The following FNTA variants were observed in gnomAD, a reference collection of about 807,000 sequenced individuals.
FNTA encodes protein farnesyltransferase/geranylgeranyltransferase type-1 subunit alpha.
Under a neutral mutation model 55.2 loss-of-function variants are expected in FNTA, and 27 were observed. The ratio of observed to expected loss-of-function variants is 0.49; its 90% CI spans 0.36 to 0.67. The LOEUF (loss-of-function observed/expected upper bound fraction) is 0.67, where lower values mean the gene tolerates loss of function less well. Ranked by LOEUF, FNTA falls within the 30% of genes least tolerant of loss-of-function variation. The pLI is 0.00. For synonymous variants in FNTA, 176 were observed against 170.7 expected, an observed-to-expected ratio of 1.03 and a Z score of -0.24; for missense variants, 422 against 464.7, an observed-to-expected ratio of 0.91 and a Z score of 0.85.
chr8:43,062,385 G>A (rs541325680), intron 2 of FNTA, among the ~76,000 whole-genome samples: 2 of 151,990 alleles, frequency 1.3e-5, no homozygotes, highest in South Asian at 2.1e-4. Flanking sequence ...AGGTTCAAGC[G>A]ATTCTCGTGC....
rs1811096106 is a variant in FNTA at position 43,084,887 on chromosome 8, C to G, written c.1017+6C>G. The G allele has an allele frequency of 6.2e-7, 1 of 1,612,634 alleles. No individual in the cohort carries two copies. Among genetic ancestry groups the G allele is most frequent in the African/African-American group, 1.3e-5 (1 of 74,836 alleles). On this transcript the variant is annotated splice_donor_region_variant and intron_variant, in intron 8 of 8. Coordinates refer to ENST00000302279, the MANE Select transcript of FNTA (RefSeq NM_002027.3). Reference sequence around the variant, plus strand: ...TTCTTAATAAAGCATTAGAGGTAAGCTGGTGGGGCTCAGTGCTGTCATTTT... The same window carrying G: ...TTCTTAATAAAGCATTAGAGGTAAGGTGGTGGGGCTCAGTGCTGTCATTTT...
Position 43,069,667 on chromosome 8 carries a change from T to C in FNTA, c.506+8T>C, listed in dbSNP as rs750430244. The C allele has an allele frequency of 2.5e-6, 4 of 1,576,602 alleles. No homozygotes were observed. The South Asian group carries it at 3.3e-5, about 13-fold the overall frequency. On this transcript the variant is annotated splice_region_variant and intron_variant, in intron 4 of 8. Transcript: ENST00000302279. The stretch of plus-strand genomic sequence containing the variant: ...CAAAAACTATCAAGTTTGGTAAGTT[T>C]GGAGTCTAGCTGTGTCTCCCAGGCT...
At chr8:43,075,836 A>G (rs1270805445) in intron 5 of FNTA, among the ~76,000 whole-genome samples, 1 of 150,740 alleles carries the variant, frequency 6.6e-6, no homozygotes, top group Non-Finnish European at 1.5e-5. Context: ...ATAGAAATTT[A>G]TATCTTTGTC....
intron 3 of FNTA, among the ~76,000 whole-genome samples, chr8:43,066,240 G>GT (rs762415587): frequency 4.1e-4 from 60 of 146,490 alleles, no homozygotes; most frequent in Admixed American, 2.2e-3. Context: ...TGGGGGAGCT[G>GT]TTTTTTTGTT....
At position 43,085,684 on chromosome 8, in the gene FNTA, TC is replaced by T. The variant is rs1418186712; in HGVS notation, c.*404del. 1 of 188,912 alleles carries T rather than the reference TC, an allele frequency of 5.3e-6. No homozygotes were observed. The highest frequency in any genetic ancestry group is 1.1e-5 in the Non-Finnish European group (1 of 93,308). 11.7% of individuals were successfully genotyped at this position (188,912 alleles called of 1,614,324 possible). A position where few individuals can be genotyped will look rare whatever the true frequency, so the allele number is the denominator to read the frequency against. On this transcript the variant is annotated 3_prime_UTR_variant, in exon 9 of 9. Coordinates refer to ENST00000302279, the MANE Select transcript of FNTA (RefSeq NM_002027.3). ...TTCAGTAAGCAGGGAATACAGTCGT[TC>T]CATCAGAGCTGGTCTGCACACTCAC...
At chr8:43,059,053 T>G in intron 1 of FNTA, 39 bp from the exon 2 acceptor site, 1 of 1,472,758 alleles carries the variant, frequency 6.8e-7, no homozygotes, top group Non-Finnish European at 9.5e-7. Context: ...TTCTTCTGTA[T>G]TTGAATGTAA....
At chr8:43,072,370 T>C (rs1810812564) in intron 5 of FNTA, 63 bp downstream of exon 5, 37 of 1,265,314 alleles carry the variant, frequency 2.9e-5, no homozygotes, top group Non-Finnish European at 3.8e-5. Context: ...ATAAAATTAC[T>C]CTTAAAGTCT....
chr8:43,083,542 A>C (rs1811065278), intron 7 of FNTA, among the ~76,000 whole-genome samples: 1 of 152,244 alleles, frequency 6.6e-6, no homozygotes, highest in East Asian at 1.9e-4. Context: ...GCCAGTGGGC[A>C]GCCAACCTTT....
Position 43,072,216 on chromosome 8 carries a change from A to G in FNTA, c.542A>G (p.Asp181Gly), listed in dbSNP as rs1420509309. The change falls in exon 5 of 9, where the codon GAT (aspartate) becomes GGT (glycine). Residue 181 changes from aspartate (D) to glycine (G), a missense_variant. Physicochemically the swap from Asp to Gly is moderately conservative, Grantham distance 94. Around this residue, in one of 2 missense-constraint regions of FNTA, gnomAD observed 262 missense variants for 343.1 expected, o/e 0.76. Coordinates refer to ENST00000302279, the MANE Select transcript of FNTA (RefSeq NM_002027.3). ...HRRVLVEWLR[D>G]PSQELEFIAD... ...CGAGTATTAGTGGAATGGCTAAGAGATCCATCTCAGGAGCTTGAATTTATT... is the reference window on the plus strand; with the variant it reads ...CGAGTATTAGTGGAATGGCTAAGAGGTCCATCTCAGGAGCTTGAATTTATT... 2 of 1,582,562 alleles carry G rather than the reference A, an allele frequency of 1.3e-6. No homozygotes were observed. Among genetic ancestry groups the G allele is most frequent in the African/African-American group, 1.4e-5 (1 of 73,450 alleles).
At chr8:43,065,641 G>T (rs1486646604) in intron 3 of FNTA, among the ~76,000 whole-genome samples, 3 of 151,296 alleles carry the variant, frequency 2.0e-5, no homozygotes, top group African/African-American at 7.4e-5. Flanking sequence ...CAGATGCTCT[G>T]CTATATGTGA....
In FNTA at chr8:43,056,405, C is replaced by G. The variant is rs775531295; in HGVS notation, c.59C>G (p.Ala20Gly). 5.3e-6 allele frequency: 8 copies of G among 1,514,714 alleles called. No homozygotes were observed. In the South Asian group the frequency reaches 8.7e-5, roughly 16 times the overall value. 93.8% of individuals were successfully genotyped at this position (1,514,714 alleles called of 1,614,324 possible). Residue 20 changes from alanine (A) to glycine (G), a missense_variant, in exon 1 of 9, where the codon GCG (alanine) becomes GGG (glycine). Coordinates refer to ENST00000302279, the MANE Select transcript of FNTA (RefSeq NM_002027.3). ...AAQGGEPGQPAQPPPQPHPPP... is the reference protein window; with the variant it reads ...AAQGGEPGQPGQPPPQPHPPP... ...CAAGGGGGCGAGCCCGGGCAGCCGGCGCAACCCCCGCCCCAGCCGCACCCA... is the reference window on the plus strand; with the variant it reads ...CAAGGGGGCGAGCCCGGGCAGCCGGGGCAACCCCCGCCCCAGCCGCACCCA...
chr8:43,063,087 CT>C (rs35545408), intron 2 of FNTA, among the ~76,000 whole-genome samples: 7,072 of 134,538 alleles, frequency 0.053, 281 homozygotes, highest in African/African-American at 0.12. Context: ...CTGGCAGTTC[CT>C]TTTTTTTTTT....
In FNTA at chr8:43,056,336, A is replaced by T. The variant is rs1586650239; in HGVS notation, c.-11A>T. 3 of 1,408,388 alleles carry T rather than the reference A, an allele frequency of 2.1e-6. No individual in the cohort carries two copies. Among genetic ancestry groups the T allele is most frequent in the African/African-American group, 3.0e-5 (2 of 66,378 alleles). The allele number at this position is 1,408,388 out of a possible 1,614,324, so 87.2% of individuals were successfully genotyped here. On this transcript the variant is annotated 5_prime_UTR_variant, in exon 1 of 9. Transcript: ENST00000302279. ...GCCTCCGCCACCACCTCAGCTGCGG[A>T]CCGAGGCGAGATGGCGGCCACCGAG...
intron 7 of FNTA, among the ~76,000 whole-genome samples, chr8:43,084,194 T>C (rs1252302776): frequency 2.0e-5 from 3 of 152,060 alleles, no homozygotes; most frequent in African/African-American, 7.2e-5. Context: ...TTAAAAACTT[T>C]TTCTACTTAG....
At chr8:43,058,885 GTTAT>G (rs1810471105) in intron 1 of FNTA, 9 of 405,630 alleles carry the variant, frequency 2.2e-5, no homozygotes, top group South Asian at 1.7e-4. Flanking sequence ...GCATCTGAGG[GTTAT>G]TTGTTTTAAT....
intron 3 of FNTA, among the ~76,000 whole-genome samples, chr8:43,066,710 C>T (rs1418179469): frequency 3.3e-5 from 5 of 151,568 alleles, no homozygotes; most frequent in Admixed American, 6.6e-5. Context: ...TCTCTTTATG[C>T]GTATAAGAGA....
chr8:43,080,292 A>G (rs762586776), intron 6 of FNTA: 1 of 152,360 alleles, frequency 6.6e-6, no homozygotes, highest in Middle Eastern at 3.4e-3. Context: ...TGCCACAGCC[A>G]TCTCATCCTT....
rs778938720 is a variant in FNTA at position 43,083,130 on chromosome 8, A to T, written c.795A>T (p.Glu265Asp). The T allele has an allele frequency of 1.3e-6, 2 of 1,578,702 alleles. No individual in the cohort carries two copies. Among genetic ancestry groups the T allele is most frequent in the South Asian group, 2.3e-5 (2 of 86,988 alleles). Reference sequence around the variant, plus strand: ...ATTTTTCTTGCAGATACACTCTGGAAATGATTAAACTAGTACCACATAATG... The same window carrying T: ...ATTTTTCTTGCAGATACACTCTGGATATGATTAAACTAGTACCACATAATG... ...VLEREVQYTL[E>D]MIKLVPHNES... Residue 265 changes from glutamate (E) to aspartate (D), a missense_variant, in exon 7 of 9, where the codon GAA becomes GAT. Physicochemically the swap from Glu to Asp is conservative, Grantham distance 45. Transcript: ENST00000302279.
In FNTA at chr8:43,077,324, A is replaced by G. The variant is rs775347102; in HGVS notation, c.742A>G (p.Thr248Ala). The change falls in exon 6 of 9, where the codon ACT becomes GCT. Residue 248 changes from threonine to alanine, a missense_variant. By Grantham distance (58) the Thr-to-Ala change is moderately conservative (BLOSUM62 0). Transcript: ENST00000302279. Reference protein sequence around the residue: ...NQRYFVISNTTGYNDRAVLER... With the variant: ...NQRYFVISNTAGYNDRAVLER... ...AAGATACTTCGTTATTTCTAACACC[A>G]CTGGCTACAATGATCGTGCTGTATT... is the stretch of plus-strand genomic sequence containing the variant. 6.2e-7 allele frequency: 1 copy of G among 1,613,334 alleles called. No individual in the cohort carries two copies. Among genetic ancestry groups the G allele is most frequent in the East Asian group, 2.2e-5 (1 of 44,848 alleles).
Sources: allele counts gnomAD v4.1 joint callset (sites outside exome capture counted in the v4.1 genomes callset), GRCh38; gene constraint gnomAD v4.1.1; regional missense constraint gnomAD v4.1.1; transcripts MANE v1.5; gene names NCBI Gene and HGNC (gene_info 2026-07-23, HGNC 2026-07-21).